The following ADARB2 variants were observed in gnomAD, a reference collection of about 807,000 sequenced individuals.
The protein encoded by ADARB2 is adenosine deaminase RNA specific B2 (inactive), also known as inactive double-stranded RNA-specific editase B2.
ADARB2 carries 25 observed loss-of-function variants against 62.2 expected under a neutral mutation model. The ratio of observed to expected loss-of-function variants is 0.40; its 90% CI spans 0.29 to 0.56. The LOEUF is 0.56. Among genes scored for constraint, ADARB2 ranks in the 20% least tolerant of loss-of-function variants. The pLI, the probability that ADARB2 is intolerant of heterozygous loss-of-function variation, is 0.43. For synonymous variants in ADARB2, 572 were observed against 500.8 expected (o/e 1.14, Z -1.90); for missense variants, 1,071 against 1,077.4 (o/e 0.99, Z 0.08).
intron 3 of ADARB2, among the ~76,000 whole-genome samples, chr10:1,276,763 A>C (rs1057433301): frequency 6.6e-6 from 1 of 152,218 alleles, no homozygotes; most frequent in African/African-American, 2.4e-5. Flanking sequence ...GACCTAATAG[A>C]CATCTACAGA....
rs138089752 is a variant in ADARB2 at position 1,722,100 on chromosome 10, G to A, written c.100+14951C>T. Among the ~76,000 whole-genome samples the A allele has an allele frequency of 2.4e-3, 361 of 152,300 alleles. 1 individual carries two copies. The highest frequency in any genetic ancestry group is 4.6e-3 in the Admixed American group (70 of 15,298). On this transcript the variant is annotated intron_variant, in intron 1 of 9. Transcript: ENST00000381312. ...TGGGAAGAGCTATTTTAGTCAGTTG[G>A]TGTGTCATGAAATTGTGTAGACTCT...
chr10:1,657,185 A>G (rs1004974141), intron 1 of ADARB2, among the ~76,000 whole-genome samples: 1 of 152,162 alleles, frequency 6.6e-6, no homozygotes, highest in Admixed American at 6.5e-5. Context: ...CAGGTGGCCA[A>G]TTTCTTCTGA....
At chr10:1,222,758 C>A (rs1471933321) in intron 6 of ADARB2, among the ~76,000 whole-genome samples, 2 of 148,996 alleles carry the variant, frequency 1.3e-5, no homozygotes, top group Non-Finnish European at 2.9e-5. Flanking sequence ...GGGCTCTGTT[C>A]TGTTCCATTG....
intron 4 of ADARB2, among the ~76,000 whole-genome samples, chr10:1,267,136 T>TAAAA (rs551410020): frequency 7.7e-6 from 1 of 129,534 alleles, no homozygotes; most frequent in African/African-American, 2.8e-5. Flanking sequence ...AAATCCAAGT[T>TAAAA]AAAAAAAAAA....
chr10:1,232,898 G>A (rs1036457216), intron 6 of ADARB2, among the ~76,000 whole-genome samples: 6 of 151,580 alleles, frequency 4.0e-5, no homozygotes, highest in African/African-American at 1.5e-4. Flanking sequence ...TGTGTGGTGT[G>A]TGTGGTATAC....
chr10:1,555,808 G>A (rs534515794), intron 1 of ADARB2, among the ~76,000 whole-genome samples: 5 of 152,202 alleles, frequency 3.3e-5, no homozygotes, highest in South Asian at 2.1e-4. Context: ...GATGGCGTGC[G>A]CCTGTAACCC....
At chr10:1,415,444 C>G (rs1832793702) in intron 1 of ADARB2, among the ~76,000 whole-genome samples, 1 of 151,848 alleles carries the variant, frequency 6.6e-6, no homozygotes, top group African/African-American at 2.4e-5. Context: ...GAATGGATGA[C>G]AGATGAGTTG....
At chr10:1,715,782 G>T (rs1835009322) in intron 1 of ADARB2, among the ~76,000 whole-genome samples, 1 of 152,260 alleles carries the variant, frequency 6.6e-6, no homozygotes, top group Non-Finnish European at 1.5e-5. Context: ...GGAGGCTCCG[G>T]AAGGTTCCAG....
chr10:1,451,788 G>A (rs1181171741), intron 1 of ADARB2, among the ~76,000 whole-genome samples: 4 of 143,186 alleles, frequency 2.8e-5, no homozygotes, highest in Non-Finnish European at 4.5e-5. Flanking sequence ...GAAGTACACC[G>A]AACATACTTG....
rs115213955 is a variant in ADARB2 at position 1,674,102 on chromosome 10, G to C, written c.100+62949C>G. 5.0e-3 allele frequency among the ~76,000 whole-genome samples: 765 copies of C among 152,364 alleles called. 7 individuals carry two copies. The highest frequency in any genetic ancestry group is 0.018 in the African/African-American group (734 of 41,584). ...CGATGTCAGACCTGAGGGCTGCAAGGAGGCCACTGGGAACGGCCCCGTCGG... is the reference window on the plus strand; with the variant it reads ...CGATGTCAGACCTGAGGGCTGCAAGCAGGCCACTGGGAACGGCCCCGTCGG... On this transcript the variant is annotated intron_variant, in intron 1 of 9. Coordinates refer to ENST00000381312, the MANE Select transcript of ADARB2 (RefSeq NM_018702.4).
intron 3 of ADARB2, among the ~76,000 whole-genome samples, chr10:1,288,617 G>C (rs1338504199): frequency 6.6e-6 from 1 of 152,196 alleles, no homozygotes; most frequent in Non-Finnish European, 1.5e-5. Context: ...AGATGCCTTG[G>C]TCACAGCTCC....
At chr10:1,540,409 C>T (rs951682327) in intron 1 of ADARB2, among the ~76,000 whole-genome samples, 5 of 126,844 alleles carry the variant, frequency 3.9e-5, no homozygotes, top group Admixed American at 8.2e-5. Context: ...GTCTCACCTG[C>T]GGCCTTAGAA....
intron 3 of ADARB2, among the ~76,000 whole-genome samples, chr10:1,359,859 G>C (rs1403592769): frequency 6.6e-6 from 1 of 152,228 alleles, no homozygotes; most frequent in Admixed American, 6.5e-5. Context: ...AACCTACTGG[G>C]TTCTTGCAGT....
chr10:1,698,720 A>T (rs1215003096), intron 1 of ADARB2, among the ~76,000 whole-genome samples: 2 of 150,626 alleles, frequency 1.3e-5, no homozygotes, highest in Non-Finnish European at 3.0e-5. Flanking sequence ...AAAAACAGTG[A>T]AGGTAGAAAG....
intron 1 of ADARB2, among the ~76,000 whole-genome samples, chr10:1,485,428 G>A (rs1831527435): frequency 6.6e-6 from 1 of 152,082 alleles, no homozygotes; most frequent in African/African-American, 2.4e-5. Flanking sequence ...GATGCAGGCA[G>A]ACATGTAGAC....
At chr10:1,357,481 G>GT (rs11405570) in intron 3 of ADARB2, among the ~76,000 whole-genome samples, 54,927 of 151,910 alleles carry the variant, frequency 0.36, 10,478 homozygotes, top group Middle Eastern at 0.55. Flanking sequence ...GGGATGCATG[G>GT]TTTTTTTAGC....
At chr10:1,505,707 C>A (rs1327329583) in intron 1 of ADARB2, among the ~76,000 whole-genome samples, 1 of 114,310 alleles carries the variant, frequency 8.7e-6, no homozygotes, top group Non-Finnish European at 2.1e-5. Flanking sequence ...ACCGTGGCAG[C>A]CGCCTCCCCA....
chr10:1,425,720 C>A (rs1157860117), intron 1 of ADARB2, among the ~76,000 whole-genome samples: 1 of 152,236 alleles, frequency 6.6e-6, no homozygotes, highest in African/African-American at 2.4e-5. Flanking sequence ...TCAGTCCTTG[C>A]CTTTCTCTGA....
At chr10:1,579,867 G>A (rs1249560843) in intron 1 of ADARB2, among the ~76,000 whole-genome samples, 1 of 152,148 alleles carries the variant, frequency 6.6e-6, no homozygotes, top group Non-Finnish European at 1.5e-5. Flanking sequence ...TGCCCAGGTG[G>A]CATTCTCTCC....
Sources: allele counts gnomAD v4.1 joint callset (sites outside exome capture counted in the v4.1 genomes callset), GRCh38; gene constraint gnomAD v4.1.1; transcripts MANE v1.5; gene names NCBI Gene and HGNC (gene_info 2026-07-23, HGNC 2026-07-21).